Variants in EXT1 observed in about 807,000 individuals in gnomAD.
EXT1 encodes the protein exostosin glycosyltransferase 1.
Under a neutral mutation model 82.5 loss-of-function variants are expected in EXT1, and 20 were observed. That is an observed-to-expected ratio of 0.24 (90% CI 0.17 to 0.35). EXT1 has a LOEUF of 0.35. Ranked by LOEUF, EXT1 falls within the 10% of genes least tolerant of loss-of-function variation. EXT1 has a pLI of 1.00. For missense variants in EXT1, 757 were observed against 936.5 expected, an observed-to-expected ratio of 0.81 and a Z score of 2.50; for synonymous variants, 348 against 350.8, an observed-to-expected ratio of 0.99 and a Z score of 0.09.
chr8:117,973,196 C>T (rs985494585), intron 1 of EXT1, among the ~76,000 whole-genome samples: 1 of 152,152 alleles, frequency 6.6e-6, no homozygotes, highest in Non-Finnish European at 1.5e-5. Context: ...ATGTGGGCAT[C>T]CTCATGAAAC....
intron 1 of EXT1, among the ~76,000 whole-genome samples, chr8:117,973,984 A>AGGAAGGAAGGAG (rs1563617771): frequency 1.3e-5 from 2 of 151,362 alleles, no homozygotes; most frequent in Non-Finnish European, 2.9e-5. Context: ...GAAGGAAGGA[A>AGGAAGGAAGGAG]GGAAATAAAT....
intron 1 of EXT1, among the ~76,000 whole-genome samples, chr8:118,000,555 T>C (rs1815641163): frequency 1.3e-5 from 2 of 152,238 alleles, no homozygotes; most frequent in Admixed American, 6.5e-5. Context: ...AGCTAGGAAC[T>C]GTTTAACTTC....
chr8:117,804,002 A>C (rs1823203199), intron 10 of EXT1, among the ~76,000 whole-genome samples: 1 of 152,216 alleles, frequency 6.6e-6, no homozygotes, highest in Non-Finnish European at 1.5e-5. Context: ...AAGCACCAGA[A>C]AACTGTGTTA....
chr8:117,846,161 G>A (rs1161950265), intron 1 of EXT1, among the ~76,000 whole-genome samples: 1 of 152,070 alleles, frequency 6.6e-6, no homozygotes, highest in African/African-American at 2.4e-5. Flanking sequence ...AGGCTGGAGT[G>A]CAGTGGCATG....
intron 1 of EXT1, among the ~76,000 whole-genome samples, chr8:118,029,481 T>C (rs1478538977): frequency 6.6e-6 from 1 of 152,174 alleles, no homozygotes; most frequent in Non-Finnish European, 1.5e-5. Context: ...GGCCATGGCA[T>C]GCACAGATAA....
At chr8:117,920,964 A>G (rs1813843873) in intron 1 of EXT1, among the ~76,000 whole-genome samples, 1 of 152,220 alleles carries the variant, frequency 6.6e-6, no homozygotes, top group Non-Finnish European at 1.5e-5. Context: ...TCCCTCCCTA[A>G]ACATACAGGA....
chr8:117,900,420 G>A (rs907090514), intron 1 of EXT1, among the ~76,000 whole-genome samples: 1 of 152,076 alleles, frequency 6.6e-6, no homozygotes. Context: ...AGAACACCTG[G>A]GCATGAATGC....
At chr8:117,870,206 G>A (rs1286041073) in intron 1 of EXT1, among the ~76,000 whole-genome samples, 4 of 152,166 alleles carry the variant, frequency 2.6e-5, no homozygotes, top group Non-Finnish European at 5.9e-5. Flanking sequence ...AACTAAAACT[G>A]AAGGAATTAG....
chr8:118,083,725 G>C (rs1397975394), intron 1 of EXT1, among the ~76,000 whole-genome samples: 1 of 152,092 alleles, frequency 6.6e-6, no homozygotes, highest in Non-Finnish European at 1.5e-5. Context: ...TGGTCAATGG[G>C]TCTCAATAAG....
intron 1 of EXT1, among the ~76,000 whole-genome samples, chr8:117,873,747 C>T (rs950740600): frequency 6.6e-6 from 1 of 152,072 alleles, no homozygotes; most frequent in Non-Finnish European, 1.5e-5. Context: ...TGAGCCACCG[C>T]GCCCAGTCTC....
chr8:117,852,245 T>C (rs916331825), intron 1 of EXT1, among the ~76,000 whole-genome samples: 1 of 152,170 alleles, frequency 6.6e-6, no homozygotes, highest in Admixed American at 6.5e-5. Flanking sequence ...ATAATGCTTT[T>C]TGGAGATGTC....
At chr8:118,079,886 A>G (rs1817280406) in intron 1 of EXT1, among the ~76,000 whole-genome samples, 1 of 152,242 alleles carries the variant, frequency 6.6e-6, no homozygotes, top group African/African-American at 2.4e-5. Flanking sequence ...CAATAGAAAG[A>G]AAGAAGTGGC....
In EXT1 at chr8:117,801,801, C is replaced by T. The variant is rs7459514; in HGVS notation, c.2056-1904G>A. On this transcript the variant is annotated intron_variant, in intron 10 of 10. Transcript: ENST00000378204. The stretch of plus-strand genomic sequence containing the variant: ...GATTATAGGCATGAGCCACTGTGCC[C>T]GGCCTGTGGGCCATTTTTGATTGGC... Among the ~76,000 whole-genome samples, 6 of 152,164 alleles carry T rather than the reference C, an allele frequency of 3.9e-5. No homozygotes were observed. The South Asian group carries it at 1.0e-3, about 26-fold the overall frequency.
chr8:117,895,857 T>A (rs956442923), intron 1 of EXT1, among the ~76,000 whole-genome samples: 2 of 152,168 alleles, frequency 1.3e-5, no homozygotes, highest in Non-Finnish European at 2.9e-5. Context: ...GTGCCTCCGT[T>A]CGCATCCAAA....
chr8:118,110,069 C>G lies in EXT1; in HGVS notation c.962+16G>C. The G allele has an allele frequency of 6.2e-7, 1 of 1,613,280 alleles. No homozygotes were observed. Among genetic ancestry groups the G allele is most frequent in the Non-Finnish European group, 8.5e-7 (1 of 1,180,026 alleles). ...CCAAGGCTGACTCCCAAAGACACGC[C>G]AGCCCAGACACTTACTTCTCATACT... On this transcript the variant is annotated intron_variant, in intron 1 of 10. Coordinates refer to ENST00000378204, the MANE Select transcript of EXT1 (RefSeq NM_000127.3).
chr8:118,046,798 A>G (rs957495796), intron 1 of EXT1, among the ~76,000 whole-genome samples: 1 of 152,238 alleles, frequency 6.6e-6, no homozygotes, highest in Non-Finnish European at 1.5e-5. Flanking sequence ...TCCCTCCTCC[A>G]GGAAGTATAA....
intron 1 of EXT1, among the ~76,000 whole-genome samples, chr8:117,941,949 C>A (rs1380871361): frequency 2.6e-5 from 4 of 152,184 alleles, no homozygotes; most frequent in Non-Finnish European, 2.9e-5. Context: ...CCTAGTTCTA[C>A]AAGTGGAATG....
intron 1 of EXT1, among the ~76,000 whole-genome samples, chr8:118,002,301 A>C (rs1815681841): frequency 6.8e-6 from 1 of 147,096 alleles, no homozygotes; most frequent in African/African-American, 2.5e-5. Flanking sequence ...GAACCGCTTG[A>C]GCCTGGGAGG....
chr8:118,094,127 C>A (rs1011973418), intron 1 of EXT1, among the ~76,000 whole-genome samples: 1 of 152,188 alleles, frequency 6.6e-6, no homozygotes, highest in Non-Finnish European at 1.5e-5. Flanking sequence ...ATTTGCTACC[C>A]GTTTTAATGT....
Sources: gnomAD v4.1 joint callset for allele counts (sites outside exome capture counted in the v4.1 genomes callset) on GRCh38, gnomAD v4.1.1 for gene constraint, MANE v1.5 for transcripts, NCBI Gene and HGNC (gene_info 2026-07-23, HGNC 2026-07-21) for gene names.